HPSE2: variants seen among roughly 807,000 people sequenced by gnomAD.
The protein encoded by HPSE2 is inactive heparanase-2.
In HPSE2, 38 loss-of-function variants were observed where a neutral mutation model predicts 60.5. That is an observed-to-expected ratio of 0.63 (90% confidence interval 0.48 to 0.82). The LOEUF is 0.82. HPSE2 is among the 40% of genes least tolerant of loss of function. The pLI is 0.00. For missense variants in HPSE2, 713 were observed against 740.4 expected (o/e 0.96, Z 0.43); for synonymous variants, 295 against 293.2 (o/e 1.01, Z -0.06).
At position 99,038,230 on chromosome 10, in the gene HPSE2, C is replaced by A. The variant is rs549539975; in HGVS notation, c.610+106008G>T. ...TCACAACAACATGCACACAATTGCTCATAATTTGCAATAGCCAAAAACTGG... is the reference window on the plus strand; with the variant it reads ...TCACAACAACATGCACACAATTGCTAATAATTTGCAATAGCCAAAAACTGG... On this transcript the variant is annotated intron_variant, in intron 3 of 11. Coordinates refer to ENST00000370552, the MANE Select transcript of HPSE2 (RefSeq NM_021828.5). Among the ~76,000 whole-genome samples, 6 of 152,220 alleles carry A rather than the reference C, an allele frequency of 3.9e-5. No individual in the cohort carries two copies. The East Asian group carries it at 1.2e-3, about 29-fold the overall frequency.
Position 99,208,986 on chromosome 10 carries a change from C to T in HPSE2, c.448+23362G>A, listed in dbSNP as rs566308420. 1.9e-3 allele frequency among the ~76,000 whole-genome samples: 294 copies of T among 152,198 alleles called. 7 individuals are homozygous for T. In the South Asian group the frequency reaches 0.028, roughly 14 times the overall value. On this transcript the variant is annotated intron_variant, in intron 2 of 11. Coordinates refer to ENST00000370552, the MANE Select transcript of HPSE2 (RefSeq NM_021828.5). ...AATATCTGTGCAACAAACATTGCAG[C>T]ACCTAAATATATAAAGCAAAAATTA...
At chr10:99,066,651 G>A (rs1842628076) in intron 3 of HPSE2, among the ~76,000 whole-genome samples, 1 of 152,014 alleles carries the variant, frequency 6.6e-6, no homozygotes, top group South Asian at 2.1e-4. Flanking sequence ...GAACAGTATG[G>A]GGGAAACTGC....
chr10:98,738,580 G>C (rs1949415915), intron 4 of HPSE2, among the ~76,000 whole-genome samples: 1 of 152,084 alleles, frequency 6.6e-6, no homozygotes, highest in South Asian at 2.1e-4. Flanking sequence ...CTATCCATCT[G>C]ACAAAGGGCG....
At position 98,688,471 on chromosome 10, in the gene HPSE2, TTTTTTC is replaced by T. The variant is rs1386168563; in HGVS notation, c.1004+5423_1004+5428del. Reference sequence around the variant, plus strand: ...AGAATTTCCTTTAGCATTTCTTTTTTTTTTTCTTTTTTTTTTTTTTTTGAGGCAGAA... The same window carrying T: ...AGAATTTCCTTTAGCATTTCTTTTTTTTTTTTTTTTTTTTTTGAGGCAGAA... On this transcript the variant is annotated intron_variant, in intron 6 of 11. Coordinates refer to ENST00000370552, the MANE Select transcript of HPSE2 (RefSeq NM_021828.5). Among the ~76,000 whole-genome samples the T allele has an allele frequency of 6.5e-3, 834 of 127,476 alleles. 44 individuals carry two copies. Among genetic ancestry groups the T allele is most frequent in the African/African-American group, 0.015 (481 of 31,918 alleles). 83.6% of individuals were successfully genotyped at this position (127,476 alleles called of 152,430 possible). A position where few individuals can be genotyped will look rare whatever the true frequency, so the allele number is the denominator to read the frequency against.
At chr10:99,086,938 T>C (rs1255957089) in intron 3 of HPSE2, among the ~76,000 whole-genome samples, 1 of 152,216 alleles carries the variant, frequency 6.6e-6, no homozygotes, top group African/African-American at 2.4e-5. Flanking sequence ...CTAGCAATTA[T>C]TAAACTCTAG....
chr10:99,042,217 C>G lies in HPSE2; in HGVS notation c.610+102021G>C, dbSNP rs1435714430. On this transcript the variant is annotated intron_variant, in intron 3 of 11. Transcript: ENST00000370552. ...ACTACTTTCCTGCACCGACAGCACA[C>G]CACGACAGCCGTCCTATGGAGAAGA... Among the ~76,000 whole-genome samples the G allele has an allele frequency of 2.6e-5, 4 of 152,240 alleles. No homozygotes were observed. The South Asian group carries it at 6.2e-4, about 24-fold the overall frequency.
At chr10:98,864,179 A>G (rs1952529757) in intron 3 of HPSE2, among the ~76,000 whole-genome samples, 1 of 152,104 alleles carries the variant, frequency 6.6e-6, no homozygotes, top group Non-Finnish European at 1.5e-5. Flanking sequence ...GATGACTAAT[A>G]AACTAATAAG....
intron 9 of HPSE2, among the ~76,000 whole-genome samples, chr10:98,531,048 A>G (rs1336497403): frequency 6.6e-6 from 1 of 152,156 alleles, no homozygotes; most frequent in Non-Finnish European, 1.5e-5. Flanking sequence ...GCCAGGCACT[A>G]TACTATGGAA....
chr10:98,725,220 G>A (rs1420010400), intron 4 of HPSE2, among the ~76,000 whole-genome samples: 5 of 152,096 alleles, frequency 3.3e-5, no homozygotes, highest in South Asian at 2.1e-4. Flanking sequence ...GAGGCATCAT[G>A]CTACCTGACT....
At chr10:98,811,131 G>T (rs533688885) in intron 3 of HPSE2, among the ~76,000 whole-genome samples, 1 of 152,126 alleles carries the variant, frequency 6.6e-6, no homozygotes, top group South Asian at 2.1e-4. Flanking sequence ...CTGTCCATAG[G>T]TAGTTTCCTT....
chr10:99,131,986 C>G (rs1488367701), intron 3 of HPSE2, among the ~76,000 whole-genome samples: 1 of 151,656 alleles, frequency 6.6e-6, no homozygotes, highest in African/African-American at 2.4e-5. Flanking sequence ...GTGGCACATG[C>G]TTGTAATCCC....
intron 3 of HPSE2, among the ~76,000 whole-genome samples, chr10:99,017,052 C>T (rs905794401): frequency 1.4e-4 from 22 of 152,088 alleles, no homozygotes; most frequent in African/African-American, 4.8e-4. Flanking sequence ...CTGGCCAGAA[C>T]TTTCAATACT....
At chr10:98,976,384 A>G (rs1358419566) in intron 3 of HPSE2, among the ~76,000 whole-genome samples, 1 of 152,166 alleles carries the variant, frequency 6.6e-6, no homozygotes, top group Non-Finnish European at 1.5e-5. Context: ...GTACAATTAT[A>G]ATTCCAATTT....
chr10:98,587,534 T>C (rs1314675784), intron 9 of HPSE2, among the ~76,000 whole-genome samples: 1 of 152,222 alleles, frequency 6.6e-6, no homozygotes, highest in Non-Finnish European at 1.5e-5. Context: ...GTCCCTAGCA[T>C]GCCCTTGTCC....
intron 7 of HPSE2, among the ~76,000 whole-genome samples, chr10:98,630,183 GTTTTT>G (rs34748475): frequency 1.5e-5 from 2 of 129,928 alleles, no homozygotes; most frequent in Non-Finnish European, 3.3e-5. Context: ...CGAAGCAATC[GTTTTT>G]TTTTTTGTTT....
At chr10:99,246,478 G>A in the HPSE2 span, among the ~76,000 whole-genome samples, 4 of 152,230 alleles carry the variant, frequency 2.6e-5, no homozygotes, top group Non-Finnish European at 4.4e-5. Flanking sequence ...CGTGCGTGAT[G>A]GCTCATGCCC....
intron 5 of HPSE2, among the ~76,000 whole-genome samples, chr10:98,700,624 A>G (rs1378587461): frequency 9.8e-6 from 1 of 102,148 alleles, no homozygotes; most frequent in Non-Finnish European, 2.2e-5. Context: ...CAATGGCAAC[A>G]AAAGCCAAAA....
chr10:98,771,829 C>T (rs745869823), intron 3 of HPSE2, among the ~76,000 whole-genome samples: 1 of 152,096 alleles, frequency 6.6e-6, no homozygotes, highest in Non-Finnish European at 1.5e-5. Context: ...CCATGTTGAG[C>T]AACGTAGAAG....
chr10:99,305,370 T>C, the HPSE2 span, among the ~76,000 whole-genome samples: 4,187 of 152,250 alleles, frequency 0.028, 192 homozygotes, highest in African/African-American at 0.095. Context: ...TACCACTTCC[T>C]AGGAACAGGG....
Sources: allele counts gnomAD v4.1 joint callset (sites outside exome capture counted in the v4.1 genomes callset), GRCh38; gene constraint gnomAD v4.1.1; transcripts MANE v1.5; gene names NCBI Gene and HGNC (gene_info 2026-07-23, HGNC 2026-07-21).